Variants in PFKFB3 observed in about 807,000 individuals in gnomAD.
PFKFB3 encodes 6-phosphofructo-2-kinase/fructose-2,6-bisphosphatase 3.
Under a neutral mutation model 68.0 loss-of-function variants are expected in PFKFB3, and 33 were observed. That is an observed-to-expected ratio of 0.49 (90% CI 0.37 to 0.65). The LOEUF is 0.65. PFKFB3 is among the 30% of genes least tolerant of loss of function. The probability of loss-of-function intolerance (pLI) is 0.00; values close to 1 mark genes in which losing one functional copy is unlikely to be tolerated. For missense variants in PFKFB3, 586 were observed against 712.2 expected (o/e 0.82, Z 2.02); for synonymous variants, 315 against 288.2 (o/e 1.09, Z -0.94).
chr10:6,233,115 G>A lies in PFKFB3; in HGVS notation c.*173G>A, dbSNP rs1479542337. 3.2e-5 allele frequency: 19 copies of A among 599,446 alleles called. No homozygotes were observed. Among genetic ancestry groups the A allele is most frequent in the South Asian group, 6.1e-5 (3 of 49,012 alleles). The allele number at this position is 599,446 out of a possible 1,614,324, so 37.1% of individuals were successfully genotyped here. ...TGGCACCGTCTGTGTCCCCTCGGCC[G>A]CTGGACACCAGAAAGCCACGTGGGT... On this transcript the variant is annotated 3_prime_UTR_variant, in exon 15 of 15. Transcript: ENST00000379775.
chr10:6,213,786 A>G, intron 2 of PFKFB3, 38 bp downstream of exon 2: 1 of 1,596,990 alleles, frequency 6.3e-7, no homozygotes, highest in African/African-American at 1.3e-5. Flanking sequence ...CTGCTCGTGC[A>G]AAAACTTGAC....
chr10:6,222,523 G>A (rs534056141), intron 10 of PFKFB3, among the ~76,000 whole-genome samples: 1 of 152,206 alleles, frequency 6.6e-6, no homozygotes, highest in African/African-American at 2.4e-5. Flanking sequence ...GCCCAGCCCC[G>A]GCACCGGCCC....
chr10:6,324,088 C>A, the PFKFB3 span, among the ~76,000 whole-genome samples: 5 of 152,108 alleles, frequency 3.3e-5, no homozygotes, highest in African/African-American at 1.2e-4. Context: ...AAGGGATAAA[C>A]AAAATGTGGT....
chr10:6,279,441 G>A, the PFKFB3 span, among the ~76,000 whole-genome samples: 2 of 152,306 alleles, frequency 1.3e-5, no homozygotes, highest in Admixed American at 6.5e-5. Context: ...AATGGGCTGA[G>A]CAGATTTTAT....
chr10:6,226,058 TG>T, intron 13 of PFKFB3, 133 bp from the exon 14 acceptor site: 1 of 737,824 alleles, frequency 1.4e-6, no homozygotes, highest in Non-Finnish European at 2.3e-6. Context: ...CCCTGGCCCG[TG>T]GTCCCGGCCA....
chr10:6,252,122 C>G (rs1846395300), intron 14 of PFKFB3, among the ~76,000 whole-genome samples: 1 of 152,206 alleles, frequency 6.6e-6, no homozygotes, highest in Non-Finnish European at 1.5e-5. Context: ...ACCCACTGTT[C>G]CTACGGAGTG....
chr10:6,263,528 T>A, the PFKFB3 span, among the ~76,000 whole-genome samples: 1 of 152,228 alleles, frequency 6.6e-6, no homozygotes, highest in Non-Finnish European at 1.5e-5. Flanking sequence ...CATCTCTACT[T>A]CGCTCCTCCT....
At chr10:6,265,995 T>C in the PFKFB3 span, among the ~76,000 whole-genome samples, 5 of 152,140 alleles carry the variant, frequency 3.3e-5, no homozygotes, top group Non-Finnish European at 7.4e-5. Flanking sequence ...ACTGCAGCCT[T>C]GACCTCCTGC....
At chr10:6,227,778 G>A (rs984205444) in intron 14 of PFKFB3, among the ~76,000 whole-genome samples, 7 of 152,216 alleles carry the variant, frequency 4.6e-5, no homozygotes, top group Non-Finnish European at 1.5e-5. Flanking sequence ...CATGATAGGA[G>A]CAGGACTGGG....
rs150087757 is a variant in PFKFB3 at position 6,177,934 on chromosome 10, C to T, written c.16+32921C>T. Among the ~76,000 whole-genome samples, 117 of 152,116 alleles carry T rather than the reference C, an allele frequency of 7.7e-4. 2 individuals carry two copies. In the East Asian group the frequency reaches 0.02, roughly 26 times the overall value. On this transcript the variant is annotated intron_variant, in intron 1 of 14. Transcript: ENST00000379789. ...TGGGAGTGGATACCTGAGGTGGGCA[C>T]GTGGGGTGGACACGTGGGTGTGAGT... is the stretch of plus-strand genomic sequence containing the variant.
At chr10:6,190,930 C>A (rs1843005907) in intron 1 of PFKFB3, among the ~76,000 whole-genome samples, 1 of 152,128 alleles carries the variant, frequency 6.6e-6, no homozygotes, top group Non-Finnish European at 1.5e-5. Flanking sequence ...AGGCGTCTGC[C>A]AACATGCCCA....
At position 6,202,952 on chromosome 10, in the gene PFKFB3, G is replaced by T; in HGVS notation, c.-309G>T. 8.0e-7 allele frequency: 1 copy of T among 1,257,438 alleles called. No individual in the cohort carries two copies. The highest frequency in any genetic ancestry group is 1.0e-6 in the Non-Finnish European group (1 of 998,852). The allele number at this position is 1,257,438 out of a possible 1,614,324, so 77.9% of individuals were successfully genotyped here. ...ATCCCAGCCAAGCCGGAGAGGAGGC[G>T]AGCAGCAGGGCCTGGTGGCGAGAGC... On this transcript the variant is annotated 5_prime_UTR_variant, in exon 1 of 15. Coordinates refer to ENST00000379775, the MANE Select transcript of PFKFB3 (RefSeq NM_004566.4).
At chr10:6,312,797 C>T in the PFKFB3 span, among the ~76,000 whole-genome samples, 5 of 152,202 alleles carry the variant, frequency 3.3e-5, no homozygotes, top group East Asian at 3.8e-4. Context: ...CTTAGCTATA[C>T]GCCCTGGTTT....
At chr10:6,163,259 C>G (rs77224387) in intron 1 of PFKFB3, among the ~76,000 whole-genome samples, 1,648 of 152,264 alleles carry the variant, frequency 0.011, 66 homozygotes, top group East Asian at 0.099. Flanking sequence ...GAAAATATCT[C>G]CAGAGACGGG....
At chr10:6,203,765 C>T (rs945840041) in intron 1 of PFKFB3, among the ~76,000 whole-genome samples, 28 of 152,202 alleles carry the variant, frequency 1.8e-4, no homozygotes, top group African/African-American at 6.8e-4. Context: ...TCTCCTCTCC[C>T]GCCTTGCTAT....
chr10:6,233,101 G>A lies in PFKFB3; in HGVS notation c.*159G>A, dbSNP rs929338219. 10 of 637,704 alleles carry A rather than the reference G, an allele frequency of 1.6e-5. No individual in the cohort carries two copies. The highest frequency in any genetic ancestry group is 2.8e-5 in the Non-Finnish European group (10 of 358,678). 39.5% of individuals were successfully genotyped at this position (637,704 alleles called of 1,614,324 possible). On this transcript the variant is annotated 3_prime_UTR_variant, in exon 15 of 15. Coordinates refer to ENST00000379775, the MANE Select transcript of PFKFB3 (RefSeq NM_004566.4). ...AAGAGAACCATGCTTGGCACCGTCT[G>A]TGTCCCCTCGGCCGCTGGACACCAG...
the PFKFB3 span, among the ~76,000 whole-genome samples, chr10:6,273,360 G>A: frequency 2.6e-5 from 4 of 152,108 alleles, no homozygotes; most frequent in Admixed American, 1.3e-4. Flanking sequence ...CTTGCCACCC[G>A]TGGGTGAAAA....
At chr10:6,262,982 C>T in the PFKFB3 span, among the ~76,000 whole-genome samples, 10 of 152,184 alleles carry the variant, frequency 6.6e-5, no homozygotes, top group South Asian at 2.1e-4. Context: ...CCACCTCGGT[C>T]GGGGAGACCC....
chr10:6,269,148 T>C, the PFKFB3 span, among the ~76,000 whole-genome samples: 1 of 152,074 alleles, frequency 6.6e-6, no homozygotes, highest in Non-Finnish European at 1.5e-5. Context: ...CTCCCCTCCC[T>C]GGGTCTTCAT....
Sources: allele counts gnomAD v4.1 joint callset (sites outside exome capture counted in the v4.1 genomes callset), GRCh38; gene constraint gnomAD v4.1.1; transcripts MANE v1.5; gene names NCBI Gene and HGNC (gene_info 2026-07-23, HGNC 2026-07-21).